The following LMNTD1 variants were observed in gnomAD, a reference collection of about 807,000 sequenced individuals.
LMNTD1 encodes lamin tail domain containing 1, also known as lamin tail domain-containing protein 1.
A neutral mutation model predicts 50.9 loss-of-function variants in LMNTD1; 35 were observed. That is an observed-to-expected ratio of 0.69 (90% CI 0.53 to 0.91). The LOEUF (loss-of-function observed/expected upper bound fraction) is 0.91, where lower values mean the gene tolerates loss of function less well. Ranked by LOEUF, LMNTD1 falls within the 40% of genes least tolerant of loss-of-function variation. The pLI, the probability that LMNTD1 is intolerant of heterozygous loss-of-function variation, is 0.00. For missense variants in LMNTD1, 470 were observed against 475.5 expected (o/e 0.99, Z 0.11); for synonymous variants, 153 against 161.9 (o/e 0.94, Z 0.42).
chr12:25,484,521 T>C (rs1367154348), intron 9 of LMNTD1, among the ~76,000 whole-genome samples: 2 of 152,004 alleles, frequency 1.3e-5, no homozygotes, highest in Non-Finnish European at 2.9e-5. Flanking sequence ...TTTTTTATTA[T>C]ACTTTAAGTT....
At chr12:25,560,423 C>T (rs374943699) in intron 1 of LMNTD1, among the ~76,000 whole-genome samples, 2 of 152,174 alleles carry the variant, frequency 1.3e-5, no homozygotes, top group Non-Finnish European at 2.9e-5. Flanking sequence ...GGTACCAGTA[C>T]CATGCTGTTT....
intron 1 of LMNTD1, among the ~76,000 whole-genome samples, chr12:25,632,507 A>G (rs1946741229): frequency 6.6e-6 from 1 of 152,236 alleles, no homozygotes; most frequent in Non-Finnish European, 1.5e-5. Flanking sequence ...TACTCAAACA[A>G]AGCAATTAAC....
chr12:25,481,780 C>T (rs1035685112), intron 9 of LMNTD1, among the ~76,000 whole-genome samples: 9 of 150,396 alleles, frequency 6.0e-5, no homozygotes, highest in Non-Finnish European at 1.0e-4. Context: ...GAGAGATTCT[C>T]GAGCACTCAG....
intron 4 of LMNTD1, among the ~76,000 whole-genome samples, chr12:25,528,547 T>G (rs752848209): frequency 1.6e-3 from 236 of 152,200 alleles, no homozygotes; most frequent in Non-Finnish European, 1.3e-3. Context: ...ATGAGCCAAG[T>G]CAGCAACTTC....
chr12:25,481,525 A>G (rs1938444253), intron 9 of LMNTD1, among the ~76,000 whole-genome samples: 1 of 151,966 alleles, frequency 6.6e-6, no homozygotes, highest in Non-Finnish European at 1.5e-5. Context: ...CACGTGTCTG[A>G]CGTTTTAAAG....
intron 1 of LMNTD1, among the ~76,000 whole-genome samples, chr12:25,618,551 G>C (rs1946396201): frequency 6.6e-6 from 1 of 152,134 alleles, no homozygotes; most frequent in African/African-American, 2.4e-5. Flanking sequence ...ACCTTAGTGG[G>C]AGTGATTTTA....
At chr12:25,523,810 C>A in intron 6 of LMNTD1, among the ~76,000 whole-genome samples, 1 of 138,206 alleles carries the variant, frequency 7.2e-6, no homozygotes. Flanking sequence ...TGGGATGTGA[C>A]TCAGGTAAAA....
chr12:25,604,519 C>A (rs1411118177), intron 1 of LMNTD1, among the ~76,000 whole-genome samples: 1 of 151,790 alleles, frequency 6.6e-6, no homozygotes, highest in Non-Finnish European at 1.5e-5. Flanking sequence ...CCACAACAGT[C>A]CCCGGTGTGT....
chr12:25,515,245 A>T (rs2136006943), intron 8 of LMNTD1, among the ~76,000 whole-genome samples: 1 of 152,070 alleles, frequency 6.6e-6, no homozygotes, highest in South Asian at 2.1e-4. Context: ...CATCTATATT[A>T]TTGACGAGAA....
intron 1 of LMNTD1, among the ~76,000 whole-genome samples, chr12:25,559,013 AATTTT>A (rs984943141): frequency 2.1e-4 from 32 of 150,522 alleles, no homozygotes; most frequent in African/African-American, 7.8e-4. Flanking sequence ...CTAATCCCCC[AATTTT>A]ATTTAATCAC....
chr12:25,509,842 G>T (rs1940121190), intron 8 of LMNTD1, among the ~76,000 whole-genome samples: 1 of 152,134 alleles, frequency 6.6e-6, no homozygotes, highest in Non-Finnish European at 1.5e-5. Flanking sequence ...AAGGAATGCC[G>T]GCAATGACTA....
chr12:25,592,021 T>C (rs1380730512), intron 1 of LMNTD1, among the ~76,000 whole-genome samples: 1 of 152,130 alleles, frequency 6.6e-6, no homozygotes, highest in Non-Finnish European at 1.5e-5. Flanking sequence ...CAGATACAAC[T>C]TAAATTATAA....
At chr12:25,484,570 T>C (rs1938553194) in intron 9 of LMNTD1, among the ~76,000 whole-genome samples, 1 of 151,540 alleles carries the variant, frequency 6.6e-6, no homozygotes, top group Admixed American at 6.6e-5. Flanking sequence ...TAGTTACATA[T>C]GTATACATGT....
At chr12:25,556,755 G>A (rs1303788380), upstream of LMNTD1, among the ~76,000 whole-genome samples, 1 of 152,068 alleles carries the variant, frequency 6.6e-6, no homozygotes, top group African/African-American at 2.4e-5. Flanking sequence ...ATTAAAAGTG[G>A]CAAAATTCCA....
upstream of LMNTD1, among the ~76,000 whole-genome samples, chr12:25,555,391 A>G (rs761240061): frequency 2.0e-5 from 3 of 152,232 alleles, no homozygotes; most frequent in Non-Finnish European, 2.9e-5. Context: ...TCTGCTTTAC[A>G]TGTAATACAG....
intron 1 of LMNTD1, among the ~76,000 whole-genome samples, chr12:25,579,539 T>C (rs770215571): frequency 2.0e-5 from 3 of 152,144 alleles, no homozygotes; most frequent in Non-Finnish European, 4.4e-5. Context: ...GCAGGTGCTA[T>C]CAGTTATCTA....
chr12:25,477,036 CAGA>C (rs959989316), intron 9 of LMNTD1, among the ~76,000 whole-genome samples: 2 of 152,184 alleles, frequency 1.3e-5, no homozygotes, highest in Admixed American at 6.5e-5. Context: ...TGCCCATCCC[CAGA>C]CCCTTGGAGA....
At chr12:25,495,710 G>C (rs777040722) in intron 9 of LMNTD1, among the ~76,000 whole-genome samples, 3 of 152,110 alleles carry the variant, frequency 2.0e-5, no homozygotes, top group Non-Finnish European at 4.4e-5. Flanking sequence ...TATACCATCA[G>C]AGATGAGTCT....
intron 1 of LMNTD1, among the ~76,000 whole-genome samples, chr12:25,614,992 C>G (rs1946322383): frequency 6.6e-6 from 1 of 152,088 alleles, no homozygotes. Flanking sequence ...AATCTAATGA[C>G]ATCATTTTTA....
Sources: allele counts gnomAD v4.1 joint callset (sites outside exome capture counted in the v4.1 genomes callset), GRCh38; gene constraint gnomAD v4.1.1; transcripts MANE v1.5; gene names NCBI Gene and HGNC (gene_info 2026-07-23, HGNC 2026-07-21).